The following KIF16B variants were observed in gnomAD, a reference collection of about 807,000 sequenced individuals.
The protein encoded by KIF16B is kinesin-like protein KIF16B.
A neutral mutation model predicts 156.3 loss-of-function variants in KIF16B; 98 were observed. The ratio of observed to expected loss-of-function variants is 0.63; its 90% CI spans 0.53 to 0.74. The LOEUF (loss-of-function observed/expected upper bound fraction) is 0.74. Ranked by LOEUF, KIF16B falls within the 30% of genes least tolerant of loss-of-function variation. KIF16B has a pLI of 0.00. For synonymous variants in KIF16B, 564 were observed against 583.7 expected (o/e 0.97, Z 0.49); for missense variants, 1,421 against 1,606.5 (o/e 0.88, Z 1.97).
intron 1 of KIF16B, among the ~76,000 whole-genome samples, chr20:16,564,384 G>A (rs947037279): frequency 4.6e-5 from 7 of 152,056 alleles, no homozygotes; most frequent in Non-Finnish European, 1.0e-4. Flanking sequence ...GAATAGTGCC[G>A]CAATAAACAT....
intron 17 of KIF16B, among the ~76,000 whole-genome samples, chr20:16,399,762 C>T (rs1280707328): frequency 1.3e-5 from 2 of 152,184 alleles, no homozygotes; most frequent in Non-Finnish European, 1.5e-5. Context: ...ATTTCTGTTT[C>T]AGCTGGGTGG....
intron 10 of KIF16B, among the ~76,000 whole-genome samples, chr20:16,499,946 G>C (rs79571784): frequency 6.6e-6 from 1 of 152,088 alleles, no homozygotes; most frequent in Non-Finnish European, 1.5e-5. Flanking sequence ...AAGTTCATAC[G>C]TTGTTAAATC....
At chr20:16,326,819 C>T (rs1428695870) in intron 24 of KIF16B, among the ~76,000 whole-genome samples, 1 of 151,904 alleles carries the variant, frequency 6.6e-6, no homozygotes, top group East Asian at 1.9e-4. Context: ...AAGCCTACTA[C>T]TGGGTATCGA....
In KIF16B at chr20:16,419,872, A is replaced by C. The variant is rs73898729; in HGVS notation, c.1612+7232T>G. On this transcript the variant is annotated intron_variant, in intron 15 of 25. Coordinates refer to ENST00000354981, the MANE Select transcript of KIF16B (RefSeq NM_024704.5). Reference sequence around the variant, plus strand: ...TCATATTAAGTATATAAAACAGAAAAAAGAAAAAAATCTAAGGTCTAAGCC... The same window carrying C: ...TCATATTAAGTATATAAAACAGAAACAAGAAAAAAATCTAAGGTCTAAGCC... Among the ~76,000 whole-genome samples the C allele has an allele frequency of 4.1e-3, 625 of 152,244 alleles. 3 individuals carry two copies. Among genetic ancestry groups the C allele is most frequent in the Middle Eastern group, 0.024 (7 of 294 alleles).
At chr20:16,543,407 A>G (rs2070280201) in intron 1 of KIF16B, among the ~76,000 whole-genome samples, 1 of 152,200 alleles carries the variant, frequency 6.6e-6, no homozygotes, top group Non-Finnish European at 1.5e-5. Context: ...CTAGAACACC[A>G]AAGTTATTTG....
chr20:16,555,807 A>G (rs1377881470), intron 1 of KIF16B, among the ~76,000 whole-genome samples: 2 of 152,340 alleles, frequency 1.3e-5, no homozygotes, highest in South Asian at 2.1e-4. Context: ...ATCAAAACAG[A>G]AAGGAATTCA....
At chr20:16,319,980 G>A (rs1568846902) in intron 24 of KIF16B, among the ~76,000 whole-genome samples, 1 of 152,146 alleles carries the variant, frequency 6.6e-6, no homozygotes, top group Non-Finnish European at 1.5e-5. Flanking sequence ...ACTCAACGCA[G>A]GCTCATGAAA....
At chr20:16,473,278 T>A (rs1167001905) in intron 12 of KIF16B, among the ~76,000 whole-genome samples, 1 of 152,186 alleles carries the variant, frequency 6.6e-6, no homozygotes, top group African/African-American at 2.4e-5. Context: ...CCCAACTTTT[T>A]ATAAACAGGC....
chr20:16,355,508 C>T (rs1172814799), intron 23 of KIF16B, among the ~76,000 whole-genome samples: 1 of 152,176 alleles, frequency 6.6e-6, no homozygotes, highest in Non-Finnish European at 1.5e-5. Flanking sequence ...AAACCACCTA[C>T]AGCCTCCAAG....
chr20:16,368,095 A>C (rs185162712), intron 22 of KIF16B: 183 of 1,299,112 alleles, frequency 1.4e-4, no homozygotes, highest in Middle Eastern at 8.9e-4. Context: ...GACTTCCTTC[A>C]TGTTGCCCAA....
intron 24 of KIF16B, among the ~76,000 whole-genome samples, chr20:16,328,066 CT>C (rs1201613830): frequency 1.3e-5 from 2 of 152,148 alleles, no homozygotes; most frequent in African/African-American, 4.8e-5. Flanking sequence ...TTCTTTGGTG[CT>C]GCTCAGAAAA....
chr20:16,493,461 T>A (rs1225357867), intron 12 of KIF16B, among the ~76,000 whole-genome samples: 1 of 152,254 alleles, frequency 6.6e-6, no homozygotes, highest in Non-Finnish European at 1.5e-5. Flanking sequence ...CAAGACATTC[T>A]GCCAAGACTC....
chr20:16,474,578 T>C (rs1281842359), intron 12 of KIF16B, among the ~76,000 whole-genome samples: 1 of 152,192 alleles, frequency 6.6e-6, no homozygotes, highest in Non-Finnish European at 1.5e-5. Flanking sequence ...CTATGAAATA[T>C]AAATAGAAGT....
chr20:16,367,991 C>T lies in KIF16B; in HGVS notation c.3498+2595G>A, dbSNP rs980052005. 2.8e-6 allele frequency: 4 copies of T among 1,433,322 alleles called. No individual in the cohort carries two copies. The African/African-American group carries it at 5.7e-5, about 21-fold the overall frequency. The allele number at this position is 1,433,322 out of a possible 1,614,324, so 88.8% of individuals were successfully genotyped here. A position where few individuals can be genotyped will look rare whatever the true frequency, so the allele number is the denominator to read the frequency against. On this transcript the variant is annotated intron_variant, in intron 22 of 25. Transcript: ENST00000354981. ...ATTGAGCCGAGATTATCTGACAGGA[C>T]CAAAGCATATAAAGTTGACTGAAGC...
chr20:16,553,123 T>C (rs1012864976), intron 1 of KIF16B, among the ~76,000 whole-genome samples: 32 of 152,150 alleles, frequency 2.1e-4, no homozygotes, highest in Non-Finnish European at 3.8e-4. Context: ...TCACCACCCA[T>C]CTGAAGTTTC....
In KIF16B at chr20:16,567,688, C is replaced by T. The variant is rs77249218; in HGVS notation, c.47+5541G>A. 2.0e-3 allele frequency among the ~76,000 whole-genome samples: 303 copies of T among 152,304 alleles called. 1 individual carries two copies. Among genetic ancestry groups the T allele is most frequent in the Non-Finnish European group, 3.6e-3 (245 of 68,028 alleles). ...AAATAAGCATAGGGCTGGCAGCTCA[C>T]GCCTGTAATACCAGCACTTGGGGAG... On this transcript the variant is annotated intron_variant, in intron 1 of 25. Coordinates refer to ENST00000354981, the MANE Select transcript of KIF16B (RefSeq NM_024704.5).
chr20:16,525,437 G>A (rs566030559), intron 3 of KIF16B, among the ~76,000 whole-genome samples: 27 of 151,994 alleles, frequency 1.8e-4, no homozygotes, highest in African/African-American at 5.3e-4. Flanking sequence ...TCCCCACCCC[G>A]AGAAATATAC....
At chr20:16,513,715 A>ACCCCTACC (rs2069040706) in intron 4 of KIF16B, among the ~76,000 whole-genome samples, 1 of 151,404 alleles carries the variant, frequency 6.6e-6, no homozygotes, top group African/African-American at 2.4e-5. Flanking sequence ...TGACAGAGTA[A>ACCCCTACC]CCCCTACCCT....
intron 3 of KIF16B, among the ~76,000 whole-genome samples, chr20:16,525,511 G>T (rs2069507798): frequency 6.6e-6 from 1 of 151,940 alleles, no homozygotes; most frequent in Non-Finnish European, 1.5e-5. Context: ...GGGCACCTTT[G>T]TGTCTGTTAT....
Sources: allele counts gnomAD v4.1 joint callset (sites outside exome capture counted in the v4.1 genomes callset), GRCh38; gene constraint gnomAD v4.1.1; transcripts MANE v1.5; gene names NCBI Gene and HGNC (gene_info 2026-07-23, HGNC 2026-07-21).